Variants in FRYL observed in about 807,000 individuals in gnomAD.
The protein encoded by FRYL is FRY like transcription coactivator, also known as protein furry homolog-like.
Under a neutral mutation model 351.2 loss-of-function variants are expected in FRYL, and 150 were observed. That is an observed-to-expected ratio of 0.43 (90% CI 0.37 to 0.49). The LOEUF (loss-of-function observed/expected upper bound fraction) is 0.49, where lower values mean the gene tolerates loss of function less well. Ranked by LOEUF, FRYL falls within the 20% of genes least tolerant of loss-of-function variation. The pLI is 0.00. For synonymous variants in FRYL, 1,153 were observed against 1,257.1 expected (o/e 0.92, Z 1.75); for missense variants, 3,036 against 3,619.3 (o/e 0.84, Z 4.13).
At position 48,578,121 on chromosome 4, in the gene FRYL, C is replaced by T. The variant is rs540098518; in HGVS notation, c.2528+852G>A. ...TAAAAAAAAAAAGGTATCCTACGCTCATGTGAACAAAAGCTCACAAAATGG... is the reference window on the plus strand; with the variant it reads ...TAAAAAAAAAAAGGTATCCTACGCTTATGTGAACAAAAGCTCACAAAATGG... On this transcript the variant is annotated intron_variant, in intron 23 of 63. Transcript: ENST00000358350. 2.0e-5 allele frequency among the ~76,000 whole-genome samples: 3 copies of T among 151,868 alleles called. 1 individual carries two copies. In the South Asian group the frequency reaches 6.2e-4, roughly 32 times the overall value.
intron 1 of FRYL, among the ~76,000 whole-genome samples, chr4:48,756,766 A>G (rs1301261870): frequency 2.0e-5 from 3 of 152,182 alleles, no homozygotes; most frequent in East Asian, 1.9e-4. Flanking sequence ...TAGGCAACAC[A>G]GTAAGACCCT....
chr4:48,628,470 G>T (rs1380584701), intron 4 of FRYL, among the ~76,000 whole-genome samples: 1 of 148,512 alleles, frequency 6.7e-6, no homozygotes, highest in Non-Finnish European at 1.5e-5. Context: ...GTGTTTAAAG[G>T]TGATTTCATA....
In FRYL at chr4:48,576,176, A is replaced by C. The variant is rs1739552889; in HGVS notation, c.2575T>G (p.Ser859Ala). 1 of 1,613,126 alleles carries C rather than the reference A, an allele frequency of 6.2e-7. No individual in the cohort carries two copies. Among genetic ancestry groups the C allele is most frequent in the Non-Finnish European group, 8.5e-7 (1 of 1,179,614 alleles). Reference protein sequence around the residue: ...KKVNTTTSSDSYIGLWRNYLI... With the variant: ...KKVNTTTSSDAYIGLWRNYLI... ...TAGTTTCTCCACAGGCCAATGTATG[A>C]GTCACTGCTTGTGGTGGTATTTACT... Residue 859 changes from serine (S) to alanine (A), a missense_variant, in exon 24 of 64, where the codon TCA becomes GCA. Physicochemically the swap from Ser to Ala is moderately conservative, Grantham distance 99. This residue lies in a region of FRYL where 492 missense variants were observed against 551.5 expected (regional missense o/e 0.89). Transcript: ENST00000358350.
At position 48,535,952 on chromosome 4, in the gene FRYL, T is replaced by C. The variant is rs543232623; in HGVS notation, c.6394-125A>G. 6.8e-5 allele frequency: 48 copies of C among 701,264 alleles called. No individual in the cohort carries two copies. The African/African-American group carries it at 8.4e-4, about 12-fold the overall frequency. The allele number at this position is 701,264 out of a possible 1,614,324, so 43.4% of individuals were successfully genotyped here. A position where few individuals can be genotyped will look rare whatever the true frequency, so the allele number is the denominator to read the frequency against. On this transcript the variant is annotated intron_variant, in intron 47 of 63. Transcript: ENST00000358350. The stretch of plus-strand genomic sequence containing the variant: ...TATATTGGTTTTAATGCATTTTACT[T>C]CAATACGTTAGAAAAGTGAAACGAG...
chr4:48,558,523 T>A (rs562748874), intron 33 of FRYL, among the ~76,000 whole-genome samples: 57 of 152,342 alleles, frequency 3.7e-4, no homozygotes, highest in African/African-American at 1.3e-3. Flanking sequence ...TTCACAACAA[T>A]GTGAATACAC....
chr4:48,773,018 C>T (rs1451404756), intron 1 of FRYL, among the ~76,000 whole-genome samples: 1 of 152,132 alleles, frequency 6.6e-6, no homozygotes, highest in Non-Finnish European at 1.5e-5. Flanking sequence ...AAGTGTCTTA[C>T]ATTTGATCAA....
chr4:48,715,199 T>C (rs1768634029), intron 1 of FRYL, among the ~76,000 whole-genome samples: 1 of 151,542 alleles, frequency 6.6e-6, no homozygotes, highest in Non-Finnish European at 1.5e-5. Flanking sequence ...AGCATTCCCT[T>C]TGAAAACTGG....
chr4:48,777,462 G>A (rs6447661), intron 1 of FRYL, among the ~76,000 whole-genome samples: 1,831 of 152,272 alleles, frequency 0.012, 36 homozygotes, highest in African/African-American at 0.042. Context: ...GTACTAAAAA[G>A]GTCCGAGGTG....
intron 3 of FRYL, among the ~76,000 whole-genome samples, chr4:48,671,873 C>CAAAAAAAAAAAAAAAAAAA (rs71191252): frequency 5.6e-4 from 29 of 51,842 alleles, no homozygotes; most frequent in East Asian, 1.2e-3. Flanking sequence ...AAAAAAAAAA[C>CAAAAAAAAAAAAAAAAAAA]AAAAAAAAAA....
chr4:48,762,842 A>G (rs572253215), intron 1 of FRYL, among the ~76,000 whole-genome samples: 1 of 152,334 alleles, frequency 6.6e-6, no homozygotes, highest in Admixed American at 6.5e-5. Context: ...TAAAATCCAA[A>G]GTATACAATA....
chr4:48,622,568 T>C (rs531045662), intron 5 of FRYL, among the ~76,000 whole-genome samples: 61 of 152,298 alleles, frequency 4.0e-4, no homozygotes, highest in African/African-American at 1.4e-3. Context: ...CATTAAACTC[T>C]ATTTCTGAGA....
intron 7 of FRYL, among the ~76,000 whole-genome samples, chr4:48,610,304 C>T (rs1488364674): frequency 6.6e-6 from 1 of 152,040 alleles, no homozygotes; most frequent in Non-Finnish European, 1.5e-5. Flanking sequence ...TAAATAGTCT[C>T]ATTTCAACTC....
At chr4:48,548,581 C>A in intron 40 of FRYL, 109 bp downstream of exon 40, 3 of 662,208 alleles carry the variant, frequency 4.5e-6, no homozygotes, top group East Asian at 5.7e-5. Context: ...ATGGAAATAA[C>A]ATAAAAATAA....
At chr4:48,587,161 A>G (rs1560664478) in intron 18 of FRYL, among the ~76,000 whole-genome samples, 1 of 152,174 alleles carries the variant, frequency 6.6e-6, no homozygotes, top group East Asian at 1.9e-4. Flanking sequence ...TTCACTTAGT[A>G]TCTTCCACTA....
At position 48,561,485 on chromosome 4, in the gene FRYL, G is replaced by A. The variant is rs773251023; in HGVS notation, c.3848C>T (p.Thr1283Ile). Residue 1283 changes from threonine (T) to isoleucine (I), a missense_variant, in exon 33 of 64, where the codon ACT (threonine) becomes ATT (isoleucine). By Grantham distance (89) the Thr-to-Ile change is moderately conservative. This residue lies in a region of FRYL where 1,987 missense variants were observed against 2,311.7 expected (regional missense o/e 0.86). Transcript: ENST00000358350. ...EELARAYPELTLAIFSEISQR... is the reference protein window; with the variant it reads ...EELARAYPELILAIFSEISQR... ...GATCATACCTGAGAATATGGCGAGA[G>A]TTAGCTCAGGATACGCCCTTGCTAG... is the stretch of plus-strand genomic sequence containing the variant. The A allele has an allele frequency of 1.3e-6, 2 of 1,598,020 alleles. No individual in the cohort carries two copies. Among genetic ancestry groups the A allele is most frequent in the South Asian group, 1.1e-5 (1 of 87,284 alleles).
At chr4:48,738,406 T>C (rs1297520153) in intron 1 of FRYL, among the ~76,000 whole-genome samples, 1 of 152,172 alleles carries the variant, frequency 6.6e-6, no homozygotes, top group Non-Finnish European at 1.5e-5. Flanking sequence ...GTAAGACCTT[T>C]ATGACAAAAA....
At chr4:48,691,344 T>A (rs911262027) in intron 2 of FRYL, among the ~76,000 whole-genome samples, 2 of 152,118 alleles carry the variant, frequency 1.3e-5, no homozygotes, top group Non-Finnish European at 2.9e-5. Context: ...AAAGGACCAG[T>A]TGAAAAAAAA....
At chr4:48,516,587 TAAGAA>T (rs1723662466) in intron 55 of FRYL, among the ~76,000 whole-genome samples, 1 of 152,224 alleles carries the variant, frequency 6.6e-6, no homozygotes, top group South Asian at 2.1e-4. Context: ...CCTTCCAAAA[TAAGAA>T]AAGTAAGAGA....
Position 48,527,898 on chromosome 4 carries a change from A to G in FRYL, c.7140+73T>C. 3 of 1,249,776 alleles carry G rather than the reference A, an allele frequency of 2.4e-6. No individual in the cohort carries two copies. The South Asian group carries it at 4.5e-5, about 19-fold the overall frequency. The allele number at this position is 1,249,776 out of a possible 1,614,324, so 77.4% of individuals were successfully genotyped here. ...GTAAGGTAAATTAGAAAAGGCAAGC[A>G]AGGAGACAGATCATTTCTTCAAGGA... On this transcript the variant is annotated intron_variant, in intron 52 of 63. Coordinates refer to ENST00000358350, the MANE Select transcript of FRYL (RefSeq NM_015030.2).
Sources: gnomAD v4.1 joint callset for allele counts (sites outside exome capture counted in the v4.1 genomes callset) on GRCh38, gnomAD v4.1.1 for gene constraint, gnomAD v4.1.1 regional missense constraint, MANE v1.5 for transcripts, NCBI Gene and HGNC (gene_info 2026-07-23, HGNC 2026-07-21) for gene names.